Variants in HS6ST2 observed in about 807,000 individuals in gnomAD.
HS6ST2 encodes heparan sulfate 6-O-sulfotransferase 2, also known as heparan-sulfate 6-O-sulfotransferase 2.
HS6ST2 carries 17 observed loss-of-function variants against 33.0 expected under a neutral mutation model. That is an observed-to-expected ratio of 0.52 (90% CI 0.35 to 0.77). The LOEUF (loss-of-function observed/expected upper bound fraction) is 0.77. Among genes scored for constraint, HS6ST2 ranks in the 30% least tolerant of loss-of-function variants. The pLI is 0.01. For missense variants in HS6ST2, 519 were observed against 551.7 expected, an observed-to-expected ratio of 0.94 and a Z score of 0.59; for synonymous variants, 248 against 237.1, an observed-to-expected ratio of 1.05 and a Z score of -0.42.
intron 2 of HS6ST2, among the ~76,000 whole-genome samples, chrX:132,907,041 C>T (rs903302448): frequency 8.9e-6 from 1 of 112,049 alleles, no homozygotes; most frequent in Non-Finnish European, 1.9e-5. Context: ...TGTCTGCTCT[C>T]CCTTGCCTTC....
intron 2 of HS6ST2, among the ~76,000 whole-genome samples, chrX:132,860,770 T>A (rs74781298): frequency 1.0e-5 from 1 of 97,054 alleles, no homozygotes; most frequent in African/African-American, 3.9e-5. Flanking sequence ...TCCTTAGGCA[T>A]GTGTATCTTT....
chrX:132,734,592 G>A (rs190928508), intron 2 of HS6ST2, among the ~76,000 whole-genome samples: 2 of 111,818 alleles, frequency 1.8e-5, no homozygotes, highest in East Asian at 5.6e-4. Context: ...GGCTCCCAAG[G>A]TAAGGGTGAA....
intron 2 of HS6ST2, among the ~76,000 whole-genome samples, chrX:132,919,033 C>T (rs773623934): frequency 1.8e-5 from 2 of 111,911 alleles, no homozygotes; most frequent in Admixed American, 9.5e-5. Flanking sequence ...TTTAATGAAT[C>T]GTGAAATAAG....
At chrX:132,867,153 C>A (rs764477496) in intron 2 of HS6ST2, among the ~76,000 whole-genome samples, 141 of 104,860 alleles carry the variant, frequency 1.3e-3, no homozygotes, top group African/African-American at 4.9e-3. Flanking sequence ...AGATAGGTCC[C>A]ATCAATACCT....
chrX:132,918,901 T>C (rs1343950855), intron 2 of HS6ST2, among the ~76,000 whole-genome samples: 1 of 112,546 alleles, frequency 8.9e-6, no homozygotes, highest in African/African-American at 3.2e-5. Flanking sequence ...TTATTCATGC[T>C]AACAGAGGGG....
intron 2 of HS6ST2, among the ~76,000 whole-genome samples, chrX:132,770,318 G>T (rs754999961): frequency 9.0e-6 from 1 of 111,243 alleles, no homozygotes; most frequent in Non-Finnish European, 1.9e-5. Context: ...ATTCCAGCTC[G>T]CACACACTTT....
At chrX:132,670,373 C>A (rs1260220231) in intron 3 of HS6ST2, among the ~76,000 whole-genome samples, 5 of 111,558 alleles carry the variant, frequency 4.5e-5, no homozygotes, top group Non-Finnish European at 9.4e-5. Context: ...CTTCAAATGA[C>A]TTCATGGATA....
upstream of HS6ST2, among the ~76,000 whole-genome samples, chrX:132,959,049 A>C (rs1210074956): frequency 9.0e-6 from 1 of 111,221 alleles, no homozygotes; most frequent in African/African-American, 3.3e-5. Context: ...ATAACTAAAA[A>C]CTCCATCAGA....
upstream of HS6ST2, among the ~76,000 whole-genome samples, chrX:132,959,638 G>A (rs986167739): frequency 2.1e-4 from 24 of 112,137 alleles, no homozygotes; most frequent in Admixed American, 1.9e-3. Context: ...GCCATGAAGC[G>A]GCAAGCCTAA....
At chrX:132,842,264 T>G (rs991788968) in intron 2 of HS6ST2, among the ~76,000 whole-genome samples, 1 of 111,828 alleles carries the variant, frequency 8.9e-6, no homozygotes, top group African/African-American at 3.3e-5. Flanking sequence ...CTGTGGGAAC[T>G]GTATCTGCTC....
intron 3 of HS6ST2, chrX:132,669,802 A>G (rs2063847735): frequency 8.9e-6 from 1 of 112,729 alleles, no homozygotes; most frequent in South Asian, 3.7e-4. Flanking sequence ...CTTATGTCAA[A>G]CCTTGGAAAC....
intron 2 of HS6ST2, among the ~76,000 whole-genome samples, chrX:132,800,115 C>T (rs1011654697): frequency 2.7e-5 from 3 of 111,787 alleles, no homozygotes; most frequent in East Asian, 2.8e-4. Context: ...AGGAGGTGAG[C>T]GGTAGATGAG....
intron 2 of HS6ST2, among the ~76,000 whole-genome samples, chrX:132,945,450 T>G (rs925364435): frequency 1.8e-5 from 2 of 111,758 alleles, no homozygotes; most frequent in African/African-American, 3.3e-5. Flanking sequence ...AGTGTGGCGA[T>G]TCCTCAGGGA....
chrX:132,922,124 C>T (rs746534340), intron 2 of HS6ST2, among the ~76,000 whole-genome samples: 2 of 111,701 alleles, frequency 1.8e-5, no homozygotes, highest in African/African-American at 6.5e-5. Flanking sequence ...TAAGCAGGGC[C>T]GGGCATGGTG....
intron 2 of HS6ST2, among the ~76,000 whole-genome samples, chrX:132,866,193 C>T (rs1215145050): frequency 2.7e-5 from 3 of 111,732 alleles, no homozygotes; most frequent in African/African-American, 9.8e-5. Context: ...CATCTTTCTA[C>T]ATAAGGCTAG....
At chrX:132,927,858 G>GAAAA (rs752332242) in intron 2 of HS6ST2, among the ~76,000 whole-genome samples, 1 of 52,017 alleles carries the variant, frequency 1.9e-5, no homozygotes, top group Non-Finnish European at 3.5e-5. Context: ...CCCTGTCTCA[G>GAAAA]AAAAAAAAAA....
intron 2 of HS6ST2, among the ~76,000 whole-genome samples, chrX:132,933,667 T>C (rs914737373): frequency 9.0e-6 from 1 of 111,515 alleles, no homozygotes; most frequent in Non-Finnish European, 1.9e-5. Flanking sequence ...AACACAGACA[T>C]ACCATACTAA....
At chrX:132,743,953 CTGTGTGTG>C (rs761435444) in intron 2 of HS6ST2, among the ~76,000 whole-genome samples, 1 of 108,338 alleles carries the variant, frequency 9.2e-6, no homozygotes, top group Non-Finnish European at 1.9e-5. Flanking sequence ...CTAATTTTGT[CTGTGTGTG>C]TGTGTGTGTG....
chrX:132,941,677 A>G (rs2066888523), intron 2 of HS6ST2, among the ~76,000 whole-genome samples: 1 of 112,396 alleles, frequency 8.9e-6, no homozygotes, highest in African/African-American at 3.2e-5. Flanking sequence ...GCATGTGTAT[A>G]TCTTTATAAC....
Sources: allele counts gnomAD v4.1 joint callset (sites outside exome capture counted in the v4.1 genomes callset), GRCh38; gene constraint gnomAD v4.1.1; transcripts MANE v1.5; gene names NCBI Gene and HGNC (gene_info 2026-07-23, HGNC 2026-07-21).